The following RPS6KA2 variants were observed in gnomAD, a reference collection of about 807,000 sequenced individuals.
The protein encoded by RPS6KA2 is ribosomal protein S6 kinase alpha-2.
Under a neutral mutation model 91.8 loss-of-function variants are expected in RPS6KA2, and 42 were observed. That is an observed-to-expected ratio of 0.46 (90% CI 0.36 to 0.59). RPS6KA2 has a LOEUF of 0.59. RPS6KA2 is among the 20% of genes least tolerant of loss of function. RPS6KA2 has a pLI of 0.00. For synonymous variants in RPS6KA2, 414 were observed against 393.6 expected, an observed-to-expected ratio of 1.05 and a Z score of -0.61; for missense variants, 798 against 978.5, an observed-to-expected ratio of 0.82 and a Z score of 2.46.
At chr6:166,858,582 G>C (rs923792673) in intron 1 of RPS6KA2, among the ~76,000 whole-genome samples, 4 of 152,230 alleles carry the variant, frequency 2.6e-5, no homozygotes, top group African/African-American at 9.7e-5. Context: ...CTTGCCAGTG[G>C]AGAAAGCGTG....
intron 2 of RPS6KA2, among the ~76,000 whole-genome samples, chr6:166,804,290 A>T (rs1583137550): frequency 6.6e-6 from 1 of 151,828 alleles, no homozygotes; most frequent in Non-Finnish European, 1.5e-5. Flanking sequence ...CATTATATAG[A>T]GCATTATATA....
chr6:166,599,230 G>C (rs1785645724), intron 1 of RPS6KA2, among the ~76,000 whole-genome samples: 2 of 152,212 alleles, frequency 1.3e-5, no homozygotes, highest in South Asian at 2.1e-4. Context: ...AAATTAGCTT[G>C]ACAACGTCTT....
chr6:166,790,718 T>G (rs1055564417), intron 2 of RPS6KA2, among the ~76,000 whole-genome samples: 4 of 152,196 alleles, frequency 2.6e-5, no homozygotes, highest in Non-Finnish European at 4.4e-5. Flanking sequence ...TCAACATTCT[T>G]AAAGAAAAGA....
intron 2 of RPS6KA2, among the ~76,000 whole-genome samples, chr6:166,807,388 T>A (rs1308372963): frequency 6.6e-6 from 1 of 152,160 alleles, no homozygotes; most frequent in Non-Finnish European, 1.5e-5. Context: ...ACACATGTGT[T>A]CTTTTTTCCA....
chr6:166,785,635 C>G (rs537086849), intron 2 of RPS6KA2, among the ~76,000 whole-genome samples: 3 of 152,192 alleles, frequency 2.0e-5, no homozygotes, highest in Admixed American at 6.5e-5. Flanking sequence ...TAAGACTGAA[C>G]AAGGTTAAAT....
intron 2 of RPS6KA2, among the ~76,000 whole-genome samples, chr6:166,842,176 G>A (rs1360540475): frequency 2.0e-5 from 3 of 152,186 alleles, no homozygotes; most frequent in African/African-American, 4.8e-5. Context: ...CCGAACGGGG[G>A]TTCCCAAGCA....
chr6:166,460,792 A>G (rs1780253244), intron 11 of RPS6KA2: 1 of 152,310 alleles, frequency 6.6e-6, no homozygotes, highest in Non-Finnish European at 1.5e-5. Flanking sequence ...GTGTGTGACC[A>G]TCTAGAGCTC....
At chr6:166,542,695 GC>G (rs1397624504) in intron 1 of RPS6KA2, among the ~76,000 whole-genome samples, 3 of 152,248 alleles carry the variant, frequency 2.0e-5, no homozygotes, top group Non-Finnish European at 4.4e-5. Flanking sequence ...GCTGCTGGGA[GC>G]GGCTGGGAAG....
chr6:166,475,816 G>A (rs556743874), intron 10 of RPS6KA2: 28 of 530,192 alleles, frequency 5.3e-5, no homozygotes, highest in African/African-American at 4.2e-4. Context: ...CAACTCACAC[G>A]GGGGCAGAGG....
chr6:166,738,310 G>A (rs1250805619), intron 2 of RPS6KA2, among the ~76,000 whole-genome samples: 3 of 152,234 alleles, frequency 2.0e-5, no homozygotes, highest in Non-Finnish European at 4.4e-5. Context: ...GAATTCCCCA[G>A]TTGGTTACCC....
intron 2 of RPS6KA2, among the ~76,000 whole-genome samples, chr6:166,846,027 T>C (rs1190218996): frequency 2.6e-5 from 4 of 151,932 alleles, no homozygotes; most frequent in Non-Finnish European, 5.9e-5. Context: ...ATGGGAGATA[T>C]TACAACTGGA....
At chr6:166,649,422 G>A (rs560329561) in intron 2 of RPS6KA2, among the ~76,000 whole-genome samples, 160 of 152,284 alleles carry the variant, frequency 1.1e-3, no homozygotes, top group African/African-American at 3.7e-3. Context: ...CTGTTTCCGG[G>A]TCATCCTCCC....
intron 10 of RPS6KA2, among the ~76,000 whole-genome samples, chr6:166,483,003 A>G (rs961280153): frequency 1.3e-5 from 2 of 152,216 alleles, no homozygotes; most frequent in Non-Finnish European, 2.9e-5. Context: ...GAGTCCCAAC[A>G]CTTTTCCAAT....
At chr6:166,769,664 G>A (rs1449001581) in intron 2 of RPS6KA2, among the ~76,000 whole-genome samples, 1 of 152,232 alleles carries the variant, frequency 6.6e-6, no homozygotes, top group African/African-American at 2.4e-5. Context: ...AGTACCACAA[G>A]TATGGAAAAA....
In RPS6KA2 at chr6:166,737,377, A is replaced by G. The variant is rs1490454837; in HGVS notation, c.123+120823T>C. On this transcript the variant is annotated intron_variant, in intron 2 of 21. Transcript: ENST00000503859. The surrounding 1 kb of genome is among the most constrained non-coding windows in gnomAD (Gnocchi z 4.3). The stretch of plus-strand genomic sequence containing the variant: ...AGGTAACCAGTTTGCTTTTCACTCT[A>G]AAAAGTGCTTAATTGTCTCCCTTAG... Among the ~76,000 whole-genome samples the G allele has an allele frequency of 6.6e-6, 1 of 152,168 alleles. No individual in the cohort carries two copies. Among genetic ancestry groups the G allele is most frequent in the East Asian group, 1.9e-4 (1 of 5,194 alleles).
At chr6:166,800,600 G>C (rs1179306621) in intron 2 of RPS6KA2, among the ~76,000 whole-genome samples, 1 of 152,192 alleles carries the variant, frequency 6.6e-6, no homozygotes, top group Non-Finnish European at 1.5e-5. Flanking sequence ...CTTGGAAGCA[G>C]AAATGGGTCC....
intron 19 of RPS6KA2, among the ~76,000 whole-genome samples, chr6:166,415,853 T>A (rs1384698207): frequency 7.3e-5 from 11 of 151,688 alleles, no homozygotes; most frequent in African/African-American, 2.7e-4. Context: ...ACCCTTACCA[T>A]CATTCCTCCA....
At chr6:166,696,811 G>A (rs1402183293) in intron 2 of RPS6KA2, among the ~76,000 whole-genome samples, 5 of 152,188 alleles carry the variant, frequency 3.3e-5, no homozygotes, top group Non-Finnish European at 7.3e-5. Flanking sequence ...ACCTTGAGCT[G>A]GGGCAGCAAT....
At chr6:166,485,989 G>C (rs536966934) in intron 10 of RPS6KA2, among the ~76,000 whole-genome samples, 3 of 152,226 alleles carry the variant, frequency 2.0e-5, no homozygotes, top group Non-Finnish European at 4.4e-5. Context: ...CCGAGTCACT[G>C]TGTAACCGTG....
Sources: allele counts gnomAD v4.1 joint callset (sites outside exome capture counted in the v4.1 genomes callset), GRCh38; gene constraint gnomAD v4.1.1; non-coding constraint Gnocchi (gnomAD v3.1); transcripts MANE v1.5; gene names NCBI Gene and HGNC (gene_info 2026-07-23, HGNC 2026-07-21).